The following OPN3 variants were observed in gnomAD, a reference collection of about 807,000 sequenced individuals.
OPN3 encodes the protein opsin 3, also known as opsin-3.
OPN3 carries 29 observed loss-of-function variants against 33.8 expected under a neutral mutation model. That is an observed-to-expected ratio of 0.86 (90% confidence interval 0.64 to 1.17). The LOEUF (loss-of-function observed/expected upper bound fraction) is 1.17. OPN3 is among the 50% of genes most tolerant of loss of function. The pLI is 0.00. For synonymous variants in OPN3, 216 were observed against 216.1 expected, an observed-to-expected ratio of 1.00 and a Z score of 0.00; for missense variants, 437 against 514.1, an observed-to-expected ratio of 0.85 and a Z score of 1.45.
In OPN3 at chr1:241,635,575, T is replaced by C. The variant is rs1425521641; in HGVS notation, c.373+4307A>G. 6 of 1,614,006 alleles carry C rather than the reference T, an allele frequency of 3.7e-6. No homozygotes were observed. In the African/African-American group the frequency reaches 4.0e-5, roughly 11 times the overall value. ...TACTTTCTTCCCCAATGTCATTGTT[T>C]TGCTGATACTCCTTCAACCAGGATA... On this transcript the variant is annotated intron_variant, in intron 1 of 3. Transcript: ENST00000366554.
In OPN3 at chr1:241,612,592, T is replaced by C. The variant is rs1664026245; in HGVS notation, c.374-8013A>G. Among the ~76,000 whole-genome samples the C allele has an allele frequency of 2.6e-5, 4 of 152,216 alleles. No individual in the cohort carries two copies. In the South Asian group the frequency reaches 6.2e-4, roughly 24 times the overall value. On this transcript the variant is annotated intron_variant, in intron 1 of 3. Coordinates refer to ENST00000366554, the MANE Select transcript of OPN3 (RefSeq NM_014322.3). ...GAGGTCAGCTTGCTCTCTGACCTGCTTCCTCATAGCTGTTTGCCTCTTGTC... is the reference window on the plus strand; with the variant it reads ...GAGGTCAGCTTGCTCTCTGACCTGCCTCCTCATAGCTGTTTGCCTCTTGTC...
chr1:241,634,702 A>G (rs756175638), intron 1 of OPN3: 10 of 1,614,016 alleles, frequency 6.2e-6, no homozygotes, highest in Non-Finnish European at 8.5e-6. Flanking sequence ...CGTTAAGACC[A>G]TCTATTGTAG....
chr1:241,608,747 A>G (rs749173470), intron 1 of OPN3, among the ~76,000 whole-genome samples: 12 of 152,236 alleles, frequency 7.9e-5, no homozygotes, highest in Non-Finnish European at 1.5e-4. Context: ...AGCAAGCACA[A>G]TGAGTTTCAG....
At chr1:241,638,374 A>G (rs2148032836) in intron 1 of OPN3, among the ~76,000 whole-genome samples, 1 of 152,322 alleles carries the variant, frequency 6.6e-6, no homozygotes, top group East Asian at 1.9e-4. Context: ...TAAAGAACTC[A>G]GTACACCCTT....
intron 1 of OPN3, chr1:241,631,080 G>T (rs1232843260): frequency 1.3e-5 from 2 of 152,016 alleles, no homozygotes; most frequent in African/African-American, 2.4e-5. Context: ...ATTTGAAAAA[G>T]TTCACCAGTA....
At chr1:241,624,524 T>A (rs1664359362) in intron 1 of OPN3, among the ~76,000 whole-genome samples, 1 of 152,224 alleles carries the variant, frequency 6.6e-6, no homozygotes, top group South Asian at 2.1e-4. Flanking sequence ...GCAGAAATGA[T>A]CACAGCCTGA....
chr1:241,640,337 G>A lies in OPN3; in HGVS notation c.-83C>T, dbSNP rs183350084. 1.9e-6 allele frequency: 2 copies of A among 1,068,400 alleles called. No homozygotes were observed. Among genetic ancestry groups the A allele is most frequent in the African/African-American group, 1.7e-5 (1 of 58,858 alleles). 66.2% of individuals were successfully genotyped at this position (1,068,400 alleles called of 1,614,324 possible). On this transcript the variant is annotated 5_prime_UTR_variant, in exon 1 of 4. Transcript: ENST00000366554. The stretch of plus-strand genomic sequence containing the variant: ...GCGCGCTCCGCACTGGGTGGGGTTG[G>A]GGCTCCGCCGCCTGCTCTAGCCATT...
intron 1 of OPN3, among the ~76,000 whole-genome samples, chr1:241,624,132 A>G (rs1473439589): frequency 7.3e-6 from 1 of 137,822 alleles, no homozygotes; most frequent in Non-Finnish European, 1.5e-5. Flanking sequence ...CAGGCCAGGC[A>G]CTCTATGCTC....
chr1:241,608,785 T>C (rs986668485), intron 1 of OPN3, among the ~76,000 whole-genome samples: 3 of 152,250 alleles, frequency 2.0e-5, no homozygotes, highest in Non-Finnish European at 2.9e-5. Context: ...TTATGTACCA[T>C]GACATGTTAG....
chr1:241,639,743 G>T (rs1665040631), intron 1 of OPN3, 139 bp downstream of exon 1: 4 of 856,192 alleles, frequency 4.7e-6, no homozygotes, highest in Non-Finnish European at 6.6e-6. Flanking sequence ...AGCGGGGAGC[G>T]GGGCGGTGTA....
chr1:241,638,251 A>G (rs1319718714), intron 1 of OPN3, among the ~76,000 whole-genome samples: 1 of 152,156 alleles, frequency 6.6e-6, no homozygotes, highest in Non-Finnish European at 1.5e-5. Context: ...CTGGGACCCT[A>G]GGAGGGATGG....
rs776249717 is a variant in OPN3 at position 241,604,290 on chromosome 1, G to T, written c.663C>A (p.Cys221Ter). ...LVVPLGVIAHCYGHILYSIRM... is the reference protein window; with the variant it reads ...LVVPLGVIAH ...GAATGGAATATAGAATATGGCCATA[G>T]CAATGGGCTATGACACCCAGGGGCA... is the stretch of plus-strand genomic sequence containing the variant. The change falls in exon 2 of 4, where the codon TGC (cysteine) becomes TGA (stop). Residue 221 changes from cysteine to a stop codon, truncating the protein, a stop_gained. Coordinates refer to ENST00000366554, the MANE Select transcript of OPN3 (RefSeq NM_014322.3). LOFTEE classifies it high-confidence loss of function. The T allele has an allele frequency of 1.2e-6, 2 of 1,614,038 alleles. No individual in the cohort carries two copies. The highest frequency in any genetic ancestry group is 2.2e-5 in the South Asian group (2 of 91,080).
chr1:241,620,402 GAC>G (rs1375764438), intron 1 of OPN3, among the ~76,000 whole-genome samples: 1 of 152,186 alleles, frequency 6.6e-6, no homozygotes, highest in Non-Finnish European at 1.5e-5. Context: ...GGTATGAGGT[GAC>G]ATCTTTGGAA....
At chr1:241,612,297 A>G (rs539023269) in intron 1 of OPN3, among the ~76,000 whole-genome samples, 1 of 152,190 alleles carries the variant, frequency 6.6e-6, no homozygotes, top group Non-Finnish European at 1.5e-5. Flanking sequence ...TTCCAAACTA[A>G]GTGGATGCAT....
At chr1:241,594,808 T>C (rs1031548056) in intron 3 of OPN3, 117 bp from the exon 4 acceptor site, 60 of 1,176,018 alleles carry the variant, frequency 5.1e-5, no homozygotes, top group Non-Finnish European at 7.0e-5. Flanking sequence ...TTAGCAGGTG[T>C]GGATGTGGGG....
At chr1:241,611,644 C>T (rs1411517677) in intron 1 of OPN3, among the ~76,000 whole-genome samples, 4 of 152,096 alleles carry the variant, frequency 2.6e-5, no homozygotes, top group Admixed American at 6.6e-5. Flanking sequence ...AATGGTAGGA[C>T]GGAGTTCTAA....
At position 241,635,421 on chromosome 1, in the gene OPN3, T is replaced by C. The variant is rs1243069543; in HGVS notation, c.373+4461A>G. On this transcript the variant is annotated intron_variant, in intron 1 of 3. Coordinates refer to ENST00000366554, the MANE Select transcript of OPN3 (RefSeq NM_014322.3). ...GAAGGATTTTTCTGCAGAGCACCAA[T>C]CTCTTCAACGTTGTCCTCCATATCC... 4.3e-6 allele frequency: 7 copies of C among 1,613,900 alleles called. No individual in the cohort carries two copies. The African/African-American group carries it at 5.3e-5, about 12-fold the overall frequency.
At chr1:241,625,212 ATGCCAAGCTGC>A (rs1664383151) in intron 1 of OPN3, among the ~76,000 whole-genome samples, 1 of 152,234 alleles carries the variant, frequency 6.6e-6, no homozygotes, top group Non-Finnish European at 1.5e-5. Flanking sequence ...CATCTATAAA[ATGCCAAGCTGC>A]TGCCTATCTC....
chr1:241,611,973 C>T (rs1664014477), intron 1 of OPN3, among the ~76,000 whole-genome samples: 1 of 152,032 alleles, frequency 6.6e-6, no homozygotes, highest in African/African-American at 2.4e-5. Flanking sequence ...CGAGGAAGGT[C>T]CACCATATTT....
Sources: gnomAD v4.1 joint callset for allele counts (sites outside exome capture counted in the v4.1 genomes callset) on GRCh38, gnomAD v4.1.1 for gene constraint, MANE v1.5 for transcripts, NCBI Gene and HGNC (gene_info 2026-07-23, HGNC 2026-07-21) for gene names.